The following WHRN variants were observed in gnomAD, a reference collection of about 807,000 sequenced individuals.
WHRN encodes whirlin, also known as CASK-interacting protein CIP98.
A neutral mutation model predicts 68.3 loss-of-function variants in WHRN; 41 were observed. The observed-to-expected ratio is 0.60, with a 90% CI of 0.47 to 0.78. WHRN has a LOEUF of 0.78. Ranked by LOEUF, WHRN falls within the 30% of genes least tolerant of loss-of-function variation. WHRN has a pLI of 0.00. For synonymous variants in WHRN, 560 were observed against 561.3 expected (o/e 1.00, Z 0.03); for missense variants, 1,243 against 1,244.7 (o/e 1.00, Z 0.02).
chr9:114,440,693 T>C (rs1589142394), intron 3 of WHRN, among the ~76,000 whole-genome samples: 1 of 152,242 alleles, frequency 6.6e-6, no homozygotes, highest in Admixed American at 6.5e-5. Context: ...GGTAGTACTG[T>C]AATAATTTCA....
intron 3 of WHRN, among the ~76,000 whole-genome samples, chr9:114,446,393 G>A (rs1317554140): frequency 6.6e-6 from 1 of 151,968 alleles, no homozygotes; most frequent in Admixed American, 6.6e-5. Flanking sequence ...GTTTTTCAGG[G>A]GTGATAAAAA....
intron 2 of WHRN, among the ~76,000 whole-genome samples, chr9:114,474,476 C>T (rs1841490413): frequency 6.6e-6 from 1 of 152,222 alleles, no homozygotes; most frequent in Non-Finnish European, 1.5e-5. Flanking sequence ...CAGGAGCTAA[C>T]TCCATTCTAC....
chr9:114,424,545 G>C lies in WHRN; in HGVS notation c.1205C>G (p.Pro402Arg). 1 of 1,610,180 alleles carries C rather than the reference G, an allele frequency of 6.2e-7. No homozygotes were observed. The highest frequency in any genetic ancestry group is 8.5e-7 in the Non-Finnish European group (1 of 1,178,202). ...GDLTTEGINK[P>R]GFYKGPAGSQ... ...GCCGGCTGGGCCCTTGTAAAATCCT[G>C]GCTGCAAGACAGAAAGATAGAAGCC... The change falls in exon 6 of 12, where the codon CCA (proline) becomes CGA (arginine). Residue 402 changes from proline to arginine, a missense_variant and splice_region_variant. Transcript: ENST00000362057.
intron 3 of WHRN, among the ~76,000 whole-genome samples, chr9:114,456,453 C>T (rs1184755985): frequency 6.6e-6 from 1 of 152,062 alleles, no homozygotes; most frequent in East Asian, 1.9e-4. Context: ...TTGGTTCAAC[C>T]GATCTTATAA....
intron 3 of WHRN, among the ~76,000 whole-genome samples, chr9:114,459,461 T>A (rs918645003): frequency 2.0e-5 from 3 of 151,784 alleles, no homozygotes; most frequent in Admixed American, 1.3e-4. Flanking sequence ...AGAGTTCATC[T>A]AAAAAAAACA....
At chr9:114,437,497 C>T (rs1005274990) in intron 3 of WHRN, among the ~76,000 whole-genome samples, 3 of 152,112 alleles carry the variant, frequency 2.0e-5, no homozygotes, top group Admixed American at 6.5e-5. Flanking sequence ...TGTGTCCCCC[C>T]CCAAATTCCT....
intron 2 of WHRN, among the ~76,000 whole-genome samples, chr9:114,475,434 TG>T (rs1319183160): frequency 6.6e-6 from 1 of 152,184 alleles, no homozygotes; most frequent in Non-Finnish European, 1.5e-5. Context: ...TTCTTCCCTC[TG>T]TACTTTGTCT....
chr9:114,467,729 A>G (rs1362982987), intron 2 of WHRN, among the ~76,000 whole-genome samples: 1 of 152,150 alleles, frequency 6.6e-6, no homozygotes, highest in Non-Finnish European at 1.5e-5. Flanking sequence ...ATGCAGGTTA[A>G]GTGTGTCTCC....
chr9:114,502,152 T>C (rs1436209300), intron 1 of WHRN, among the ~76,000 whole-genome samples: 2 of 152,206 alleles, frequency 1.3e-5, no homozygotes, highest in African/African-American at 4.8e-5. Context: ...AAAGGGTCCA[T>C]GTCAGGCAGG....
chr9:114,410,024 C>T (rs1835319617), intron 7 of WHRN, among the ~76,000 whole-genome samples: 1 of 152,132 alleles, frequency 6.6e-6, no homozygotes, highest in Non-Finnish European at 1.5e-5. Context: ...ACTCCAACAT[C>T]ACGAGCTCAT....
At chr9:114,490,952 T>A (rs578238400) in intron 1 of WHRN, among the ~76,000 whole-genome samples, 7 of 152,350 alleles carry the variant, frequency 4.6e-5, no homozygotes, top group African/African-American at 1.7e-4. Flanking sequence ...CTGTTATAAT[T>A]TAAGTAAATT....
chr9:114,459,846 T>C (rs530274491), intron 3 of WHRN, among the ~76,000 whole-genome samples: 18 of 152,260 alleles, frequency 1.2e-4, no homozygotes, highest in African/African-American at 3.1e-4. Context: ...TAAACAAATA[T>C]TATATAGTAA....
intron 1 of WHRN, among the ~76,000 whole-genome samples, chr9:114,485,710 A>T (rs1243840273): frequency 1.3e-5 from 2 of 151,068 alleles, no homozygotes; most frequent in African/African-American, 4.9e-5. Context: ...TAAGTATATA[A>T]ATATCAATTG....
chr9:114,437,498 C>T (rs114654071), intron 3 of WHRN, among the ~76,000 whole-genome samples: 8 of 152,262 alleles, frequency 5.3e-5, no homozygotes, highest in African/African-American at 1.9e-4. Flanking sequence ...GTGTCCCCCC[C>T]CAAATTCCTA....
chr9:114,468,393 T>C (rs1840907901), intron 2 of WHRN, among the ~76,000 whole-genome samples: 1 of 152,098 alleles, frequency 6.6e-6, no homozygotes, highest in Non-Finnish European at 1.5e-5. Flanking sequence ...AACTCTGAAC[T>C]CTTTAATTTG....
chr9:114,424,584 C>T (rs1468627039), intron 5 of WHRN, 38 bp from the exon 6 acceptor site: 1 of 1,569,040 alleles, frequency 6.4e-7, no homozygotes, highest in South Asian at 1.2e-5. Context: ...GAATTCTTAG[C>T]TGCTCTAGAG....
At chr9:114,499,455 A>G (rs910173102) in intron 1 of WHRN, among the ~76,000 whole-genome samples, 1 of 152,166 alleles carries the variant, frequency 6.6e-6, no homozygotes, top group Admixed American at 6.5e-5. Flanking sequence ...ATTCTTTCCA[A>G]TCAGATTCGC....
rs1185695012 is a variant in WHRN at position 114,403,898 on chromosome 9, G to A, written c.2416C>T (p.Pro806Ser). 6.2e-7 allele frequency: 1 copy of A among 1,610,532 alleles called. No individual in the cohort carries two copies. Among genetic ancestry groups the A allele is most frequent in the Admixed American group, 1.7e-5 (1 of 60,004 alleles). ...NERPTDGANK[P>S]PGLLEPTSTL... is the part of the protein sequence containing the mutation. Reference sequence around the variant, plus strand: ...GCATCCTCCTCCTCCTGGCTCACCGGTTTGTTGGCCCCATCTGTGGGCCTC... The same window carrying A: ...GCATCCTCCTCCTCCTGGCTCACCGATTTGTTGGCCCCATCTGTGGGCCTC... The change falls in exon 10 of 12, where the codon CCG (proline) becomes TCG (serine). Residue 806 changes from proline (P) to serine (S), a missense_variant and splice_region_variant. Physicochemically the swap from Pro to Ser is moderately conservative, Grantham distance 74 (BLOSUM62 -1). Transcript: ENST00000362057.
chr9:114,504,602 G>T lies in WHRN; in HGVS notation c.200C>A (p.Ala67Glu), dbSNP rs1287224100. 1.9e-6 allele frequency: 3 copies of T among 1,611,212 alleles called. No homozygotes were observed. Among genetic ancestry groups the T allele is most frequent in the Non-Finnish European group, 2.5e-6 (3 of 1,179,498 alleles). ...CACCAGGTCGAAGACGTTGCGGCGC[G>T]CGTGGTAAGCGTTCAGGCAGTGGGT... Reference protein sequence around the residue: ...QFTHCLNAYHARRNVFDLVRT... With the variant: ...QFTHCLNAYHERRNVFDLVRT... Residue 67 changes from alanine (A) to glutamate (E), a missense_variant, in exon 1 of 12, where the codon GCG (alanine) becomes GAG (glutamate). Ala to Glu is a moderately radical substitution (Grantham distance 107, BLOSUM62 -1). Coordinates refer to ENST00000362057, the MANE Select transcript of WHRN (RefSeq NM_015404.4).
Sources: gnomAD v4.1 joint callset for allele counts (sites outside exome capture counted in the v4.1 genomes callset) on GRCh38, gnomAD v4.1.1 for gene constraint, MANE v1.5 for transcripts, NCBI Gene and HGNC (gene_info 2026-07-23, HGNC 2026-07-21) for gene names.